The following TBC1D5 variants were observed in gnomAD, a reference collection of about 807,000 sequenced individuals.
TBC1D5 encodes TBC1 domain family, member 5.
Under a neutral mutation model 100.3 loss-of-function variants are expected in TBC1D5, and 75 were observed. The observed-to-expected ratio is 0.75, with a 90% CI of 0.62 to 0.91. The LOEUF is 0.91. Among genes scored for constraint, TBC1D5 ranks in the 40% least tolerant of loss-of-function variants. The pLI is 0.00. For missense variants in TBC1D5, 910 were observed against 942.4 expected (o/e 0.97, Z 0.45); for synonymous variants, 323 against 325.6 (o/e 0.99, Z 0.09).
chr3:17,624,000 A>G (rs1458604349), intron 1 of TBC1D5, 87 bp from the exon 2 acceptor site: 1 of 152,318 alleles, frequency 6.6e-6, no homozygotes, highest in East Asian at 1.9e-4. Context: ...ATATTTTAAT[A>G]AACTGATTCA....
intron 1 of TBC1D5, among the ~76,000 whole-genome samples, chr3:17,677,676 G>T (rs1577404402): frequency 6.6e-6 from 1 of 152,144 alleles, no homozygotes; most frequent in African/African-American, 2.4e-5. Flanking sequence ...AAATCATGCT[G>T]CTATAAAGAC....
chr3:17,339,250 T>C (rs2088460268), intron 13 of TBC1D5, among the ~76,000 whole-genome samples: 1 of 152,256 alleles, frequency 6.6e-6, no homozygotes, highest in Non-Finnish European at 1.5e-5. Flanking sequence ...ATTAGCCATA[T>C]GGTTGTGGGA....
intron 18 of TBC1D5, among the ~76,000 whole-genome samples, chr3:17,197,638 C>A (rs1167417182): frequency 6.6e-6 from 1 of 152,168 alleles, no homozygotes; most frequent in Non-Finnish European, 1.5e-5. Context: ...TCTCAAAGCA[C>A]TGGGATTACA....
chr3:17,564,878 A>T (rs1456471604), intron 2 of TBC1D5, among the ~76,000 whole-genome samples: 1 of 152,180 alleles, frequency 6.6e-6, no homozygotes, highest in Non-Finnish European at 1.5e-5. Context: ...AGTGGGAAAA[A>T]AAGAAGAAAA....
Position 17,692,997 on chromosome 3 carries a change from C to A in TBC1D5, c.-101+46346G>T, listed in dbSNP as rs191331029. On this transcript the variant is annotated intron_variant, in intron 1 of 21. Coordinates refer to ENST00000253692, the Ensembl canonical transcript of TBC1D5. ...ATACAAACATTACATGGGCGGAGCC[C>A]CCTTGGCATATGAGGCTCTGCACTG... is the stretch of plus-strand genomic sequence containing the variant. 2.0e-5 allele frequency among the ~76,000 whole-genome samples: 3 copies of A among 152,314 alleles called. No individual in the cohort carries two copies. In the East Asian group the frequency reaches 5.8e-4, roughly 29 times the overall value.
rs1382373356 is a variant in TBC1D5 at position 17,671,678 on chromosome 3, A to G, written c.-100-47765T>C. ...AAATAGATGTGAAAATCAAAGAAAT[A>G]AACATTCTCCCCCAAATGTGATAAT... is the stretch of plus-strand genomic sequence containing the variant. On this transcript the variant is annotated intron_variant, in intron 1 of 21. Transcript: ENST00000253692. Among the ~76,000 whole-genome samples, 4 of 152,366 alleles carry G rather than the reference A, an allele frequency of 2.6e-5. No homozygotes were observed. The East Asian group carries it at 5.8e-4, about 22-fold the overall frequency.
intron 17 of TBC1D5, among the ~76,000 whole-genome samples, chr3:17,230,173 G>A (rs1051698250): frequency 6.6e-6 from 1 of 151,880 alleles, no homozygotes; most frequent in Admixed American, 6.6e-5. Flanking sequence ...TCTTGTGAGT[G>A]GAAGCTGTCT....
At chr3:17,232,690 A>G (rs1411564969) in intron 17 of TBC1D5, among the ~76,000 whole-genome samples, 1 of 152,146 alleles carries the variant, frequency 6.6e-6, no homozygotes, top group Non-Finnish European at 1.5e-5. Flanking sequence ...CTCTATTGCC[A>G]CAATGTGGTG....
intron 16 of TBC1D5, among the ~76,000 whole-genome samples, chr3:17,251,048 G>A (rs1389646573): frequency 6.6e-6 from 1 of 152,164 alleles, no homozygotes; most frequent in Non-Finnish European, 1.5e-5. Context: ...AGCAAGCACT[G>A]GTAAAAGTGC....
chr3:17,565,303 T>A lies in TBC1D5; in HGVS notation c.-35-56698A>T, dbSNP rs2096586664. On this transcript the variant is annotated intron_variant, in intron 2 of 21. Transcript: ENST00000253692. ...TTTAAAGTCCTTAAGGAGTATCAGT[T>A]AATTATGTTCGTTGAAAGCAGTATT... 3.3e-5 allele frequency among the ~76,000 whole-genome samples: 5 copies of A among 152,188 alleles called. No individual in the cohort carries two copies. The South Asian group carries it at 1.0e-3, about 31-fold the overall frequency.
chr3:17,454,385 A>C (rs2095001799), intron 3 of TBC1D5, among the ~76,000 whole-genome samples: 2 of 151,724 alleles, frequency 1.3e-5, no homozygotes, highest in African/African-American at 2.4e-5. Flanking sequence ...AAGACTCTAC[A>C]AAAAAAAACT....
chr3:17,363,284 T>C (rs183750890), intron 13 of TBC1D5, among the ~76,000 whole-genome samples: 6 of 152,250 alleles, frequency 3.9e-5, no homozygotes, highest in African/African-American at 1.2e-4. Flanking sequence ...AGTATGTTTA[T>C]ATGCTTAAAA....
At chr3:17,382,107 T>C (rs1229111568) in intron 9 of TBC1D5, among the ~76,000 whole-genome samples, 1 of 152,126 alleles carries the variant, frequency 6.6e-6, no homozygotes, top group East Asian at 1.9e-4. Flanking sequence ...CCAACACATT[T>C]AATAATTATT....
intron 2 of TBC1D5, among the ~76,000 whole-genome samples, chr3:17,587,026 G>T (rs952024494): frequency 6.6e-6 from 1 of 151,868 alleles, no homozygotes; most frequent in African/African-American, 2.4e-5. Context: ...GGATTCTAAA[G>T]CATTAATAAA....
chr3:17,672,878 T>C (rs2068109698), intron 1 of TBC1D5, among the ~76,000 whole-genome samples: 1 of 152,170 alleles, frequency 6.6e-6, no homozygotes, highest in Non-Finnish European at 1.5e-5. Context: ...CATGAATATC[T>C]GTGGAAGAAG....
intron 1 of TBC1D5, among the ~76,000 whole-genome samples, chr3:17,737,178 T>C (rs2077026207): frequency 6.6e-6 from 1 of 152,114 alleles, no homozygotes; most frequent in South Asian, 2.1e-4. Context: ...TTTTCTCTGA[T>C]GTATCTTCCC....
chr3:17,552,231 G>C (rs1035727327), intron 2 of TBC1D5, among the ~76,000 whole-genome samples: 1 of 151,514 alleles, frequency 6.6e-6, no homozygotes. Context: ...AAGTATCAAA[G>C]AAGTAAGCTT....
At chr3:17,711,136 C>T (rs559184469) in intron 1 of TBC1D5, among the ~76,000 whole-genome samples, 1 of 152,048 alleles carries the variant, frequency 6.6e-6, no homozygotes, top group Non-Finnish European at 1.5e-5. Context: ...CTGAGATGGT[C>T]GTATGAGGCA....
chr3:17,272,673 C>G (rs1371308083), intron 15 of TBC1D5, among the ~76,000 whole-genome samples: 1 of 152,146 alleles, frequency 6.6e-6, no homozygotes, highest in Non-Finnish European at 1.5e-5. Flanking sequence ...AGGAACTGAA[C>G]CCAGTTCTAT....
Sources: gnomAD v4.1 joint callset for allele counts (sites outside exome capture counted in the v4.1 genomes callset) on GRCh38, gnomAD v4.1.1 for gene constraint, MANE v1.5 for transcripts, NCBI Gene and HGNC (gene_info 2026-07-23, HGNC 2026-07-21) for gene names.